Variants in ZNF184 observed in about 807,000 individuals in gnomAD.
The protein encoded by ZNF184 is zinc finger protein 184.
ZNF184 carries 16 observed loss-of-function variants against 54.4 expected under a neutral mutation model. The observed-to-expected ratio is 0.29, with a 90% CI of 0.20 to 0.45. The LOEUF is 0.45. Among genes scored for constraint, ZNF184 ranks in the 20% least tolerant of loss-of-function variants. ZNF184 has a pLI of 1.00. For synonymous variants in ZNF184, 254 were observed against 295.3 expected (o/e 0.86, Z 1.43); for missense variants, 681 against 888.2 (o/e 0.77, Z 2.97).
At chr6:27,442,656 A>C in the ZNF184 span, among the ~76,000 whole-genome samples, 34 of 150,472 alleles carry the variant, frequency 2.3e-4, no homozygotes, top group African/African-American at 7.8e-4. Context: ...AGCAAGAAAG[A>C]AAGCAAGCAA....
At position 27,451,972 on chromosome 6, in the gene ZNF184, A is replaced by C. The variant is rs745904032; in HGVS notation, c.1587T>G (p.Ala529=). ...QHQKTHTQEK[A]YECKECGKAF... is the part of the protein sequence containing the mutation. ...CTTTCCCACATTCTTTACATTCATA[A>C]GCTTTCTCTTGAGTATGAGTTTTCT... The change falls in exon 6 of 6, where the codon GCT becomes GCG. Residue 529 remains alanine, a synonymous_variant. Coordinates refer to ENST00000683788, the MANE Select transcript of ZNF184 (RefSeq NM_001318891.2). 2.5e-5 allele frequency: 40 copies of C among 1,613,388 alleles called. No homozygotes were observed. The South Asian group carries it at 4.4e-4, about 18-fold the overall frequency.
At chr6:27,407,767 A>T in the ZNF184 span, 1 of 774,270 alleles carries the variant, frequency 1.3e-6, no homozygotes, top group Non-Finnish European at 2.4e-6. Flanking sequence ...TCACTACAAG[A>T]TTTGCAGCTC....
At chr6:27,430,854 T>C in the ZNF184 span, among the ~76,000 whole-genome samples, 1 of 152,248 alleles carries the variant, frequency 6.6e-6, no homozygotes, top group East Asian at 1.9e-4. Context: ...AAAGTTCGCG[T>C]CCCACTGACC....
At position 27,455,110 on chromosome 6, in the gene ZNF184, C is replaced by T. The variant is rs78568376; in HGVS notation, c.298+1716G>A. On this transcript the variant is annotated intron_variant, in intron 5 of 5. Transcript: ENST00000683788. ...CTGTAAAGATATCTACAAAACTATA[C>T]GACATTTTTATAAAGACAAAAGCAG... Among the ~76,000 whole-genome samples the T allele has an allele frequency of 1.9e-3, 291 of 152,222 alleles. 11 individuals are homozygous for T. The East Asian group carries it at 0.041, about 22-fold the overall frequency.
chr6:27,470,777 T>C (rs561590186), intron 2 of ZNF184, among the ~76,000 whole-genome samples: 1 of 152,188 alleles, frequency 6.6e-6, no homozygotes, highest in Admixed American at 6.5e-5. Flanking sequence ...ACAAAAGTTA[T>C]GATTACAAGG....
At chr6:27,413,296 G>A in the ZNF184 span, among the ~76,000 whole-genome samples, 3 of 152,176 alleles carry the variant, frequency 2.0e-5, no homozygotes, top group Admixed American at 2.0e-4. Context: ...TTAAGAAAAT[G>A]AGTTTGAGGG....
chr6:27,457,302 A>G lies in ZNF184; in HGVS notation c.183T>C (p.Tyr61=), dbSNP rs752497966. 1 of 1,613,986 alleles carries G rather than the reference A, an allele frequency of 6.2e-7. No homozygotes were observed. The highest frequency in any genetic ancestry group is 1.3e-5 in the African/African-American group (1 of 74,916). ...CCTTACCTATAGAGACCAGGTGTGT[A>G]TAATTTTCCAATGTCACATCCCTGA... ...DLFRDVTLEN[Y]THLVSIGLQV... The change falls in exon 4 of 6, where the codon TAT becomes TAC. Residue 61 remains tyrosine, a synonymous_variant. Coordinates refer to ENST00000683788, the MANE Select transcript of ZNF184 (RefSeq NM_001318891.2).
the ZNF184 span, among the ~76,000 whole-genome samples, chr6:27,421,638 A>G: frequency 6.6e-6 from 1 of 152,240 alleles, no homozygotes; most frequent in African/African-American, 2.4e-5. Context: ...TTGGAGGAAT[A>G]TAACTAACAA....
chr6:27,448,532 C>T (rs947896657), downstream of ZNF184, among the ~76,000 whole-genome samples: 2 of 152,142 alleles, frequency 1.3e-5, no homozygotes, highest in Non-Finnish European at 2.9e-5. Flanking sequence ...CTTACCATAG[C>T]CAAGAAAGTC....
At chr6:27,425,524 G>A in the ZNF184 span, among the ~76,000 whole-genome samples, 9 of 152,238 alleles carry the variant, frequency 5.9e-5, 1 homozygote, top group Admixed American at 3.9e-4. Flanking sequence ...GGCAGGGACT[G>A]CTGAACAAGA....
At chr6:27,423,876 T>G in the ZNF184 span, among the ~76,000 whole-genome samples, 1 of 152,362 alleles carries the variant, frequency 6.6e-6, no homozygotes, top group African/African-American at 2.4e-5. Flanking sequence ...ATACCACGTA[T>G]CAGCATTTCT....
chr6:27,407,216 A>G, the ZNF184 span, among the ~76,000 whole-genome samples: 1 of 152,152 alleles, frequency 6.6e-6, no homozygotes, highest in Non-Finnish European at 1.5e-5. Context: ...CTTGTGGGGG[A>G]CGTAGGCAGG....
the ZNF184 span, among the ~76,000 whole-genome samples, chr6:27,430,166 C>T: frequency 1.2e-4 from 18 of 152,130 alleles, no homozygotes; most frequent in Admixed American, 3.3e-4. Context: ...ATCTTTCACA[C>T]GGGGATTTTA....
chr6:27,457,515 A>C (rs1762888490), intron 3 of ZNF184, 106 bp from the exon 4 acceptor site: 2 of 1,239,250 alleles, frequency 1.6e-6, no homozygotes, highest in Non-Finnish European at 2.2e-6. Flanking sequence ...TGTCTGCAAA[A>C]TAATCTTGAC....
At chr6:27,433,112 G>A in the ZNF184 span, among the ~76,000 whole-genome samples, 1 of 152,204 alleles carries the variant, frequency 6.6e-6, no homozygotes, top group Admixed American at 6.5e-5. Flanking sequence ...ATGGGACAGA[G>A]ACAAACTATG....
the ZNF184 span, among the ~76,000 whole-genome samples, chr6:27,424,345 T>A: frequency 5.3e-5 from 8 of 152,146 alleles, no homozygotes; most frequent in African/African-American, 1.7e-4. Context: ...GAACAAAGCT[T>A]CCACAGGGTA....
chr6:27,465,816 G>C (rs13201965), intron 3 of ZNF184, among the ~76,000 whole-genome samples: 99,058 of 151,824 alleles, frequency 0.65, 32,607 homozygotes, highest in Middle Eastern at 0.76. Flanking sequence ...ACCCCTTTCA[G>C]AATAACTGAT....
the ZNF184 span, among the ~76,000 whole-genome samples, chr6:27,424,291 G>T: frequency 6.6e-6 from 1 of 152,204 alleles, no homozygotes; most frequent in African/African-American, 2.4e-5. Context: ...AGTAGTGTGA[G>T]CACAAAGAGT....
chr6:27,431,268 C>T, the ZNF184 span, among the ~76,000 whole-genome samples: 4 of 152,128 alleles, frequency 2.6e-5, no homozygotes, highest in African/African-American at 9.7e-5. Context: ...TCATCCATGA[C>T]CTGGAGGGGC....
Sources: allele counts gnomAD v4.1 joint callset (sites outside exome capture counted in the v4.1 genomes callset), GRCh38; gene constraint gnomAD v4.1.1; transcripts MANE v1.5; gene names NCBI Gene and HGNC (gene_info 2026-07-23, HGNC 2026-07-21).